Variants in ZRANB1 observed in about 807,000 individuals in gnomAD.
The protein encoded by ZRANB1 is ubiquitin thioesterase ZRANB1.
In ZRANB1, 16 loss-of-function variants were observed where a neutral mutation model predicts 80.5. The observed-to-expected ratio is 0.20, with a 90% CI of 0.13 to 0.30. ZRANB1 has a LOEUF of 0.30. Among genes scored for constraint, ZRANB1 ranks in the 10% least tolerant of loss-of-function variants. ZRANB1 has a pLI of 1.00. For synonymous variants in ZRANB1, 291 were observed against 293.1 expected (o/e 0.99, Z 0.07); for missense variants, 576 against 862.6 (o/e 0.67, Z 4.16).
chr10:124,960,857 T>C (rs1324224853), intron 1 of ZRANB1, among the ~76,000 whole-genome samples: 2 of 152,256 alleles, frequency 1.3e-5, no homozygotes, highest in African/African-American at 4.8e-5. Context: ...TCAGCCAGGG[T>C]AACTTGGCAG....
At position 124,983,039 on chromosome 10, in the gene ZRANB1, ATGC is replaced by A. The variant is rs1269661954; in HGVS notation, c.1549-131_1549-129del. ...CTGGATTTATTATTTGAGGAATCAAATGCTGCTTTGACAATCTTTTCTTTCTTA... is the reference window on the plus strand; with the variant it reads ...CTGGATTTATTATTTGAGGAATCAAATGCTTTGACAATCTTTTCTTTCTTA... On this transcript the variant is annotated intron_variant, in intron 6 of 8. Coordinates refer to ENST00000359653, the MANE Select transcript of ZRANB1 (RefSeq NM_017580.3). The surrounding 1 kb of genome is among the most constrained non-coding windows in gnomAD (Gnocchi z 6.2). 13 of 825,094 alleles carry A rather than the reference ATGC, an allele frequency of 1.6e-5. No homozygotes were observed. In the Admixed American group the frequency reaches 4.0e-4, roughly 25 times the overall value. 51.1% of individuals were successfully genotyped at this position (825,094 alleles called of 1,614,324 possible).
chr10:124,938,673 A>G (rs777796232), upstream of ZRANB1, among the ~76,000 whole-genome samples: 5 of 151,592 alleles, frequency 3.3e-5, no homozygotes, highest in African/African-American at 4.9e-5. Flanking sequence ...CAATGTTTCA[A>G]GTTCTCTCAG....
chr10:124,966,887 T>C, intron 2 of ZRANB1, 106 bp downstream of exon 2: 1 of 1,079,472 alleles, frequency 9.3e-7, no homozygotes, highest in Non-Finnish European at 1.3e-6. Flanking sequence ...TAAAATGTTT[T>C]GAATTCTTTT....
intron 5 of ZRANB1, among the ~76,000 whole-genome samples, chr10:124,976,682 G>C (rs921939374): frequency 1.4e-5 from 2 of 143,762 alleles, no homozygotes; most frequent in African/African-American, 5.2e-5. Flanking sequence ...AGCAATTCTC[G>C]TGCCTCAGCC....
intron 2 of ZRANB1, among the ~76,000 whole-genome samples, chr10:124,971,237 T>C (rs1413754371): frequency 6.6e-6 from 1 of 152,244 alleles, no homozygotes; most frequent in Non-Finnish European, 1.5e-5. Flanking sequence ...TTAAATTAAA[T>C]CTTTGCAACA....
intron 1 of ZRANB1, among the ~76,000 whole-genome samples, chr10:124,949,996 C>G (rs1391283161): frequency 1.3e-5 from 2 of 152,148 alleles, no homozygotes; most frequent in South Asian, 2.1e-4. Flanking sequence ...TATCAAGTAG[C>G]AGGATGAAGT....
chr10:124,973,239 G>T (rs1225644090), intron 3 of ZRANB1, among the ~76,000 whole-genome samples: 5 of 152,130 alleles, frequency 3.3e-5, no homozygotes, highest in Non-Finnish European at 4.4e-5. Context: ...TGCAGCCTTG[G>T]CCTCCCCAGG....
At chr10:124,951,867 G>A (rs1031910462) in intron 1 of ZRANB1, among the ~76,000 whole-genome samples, 2 of 152,070 alleles carry the variant, frequency 1.3e-5, no homozygotes, top group Non-Finnish European at 2.9e-5. Flanking sequence ...TGAGGCAGAA[G>A]AATCTCTTGG....
intron 5 of ZRANB1, among the ~76,000 whole-genome samples, chr10:124,979,401 A>G (rs1719969751): frequency 6.6e-6 from 1 of 152,024 alleles, no homozygotes; most frequent in South Asian, 2.1e-4. Context: ...TGATTTGCAG[A>G]TGTTGTTTGT....
the ZRANB1 span, among the ~76,000 whole-genome samples, chr10:124,931,807 A>C: frequency 6.6e-6 from 1 of 152,218 alleles, no homozygotes; most frequent in Non-Finnish European, 1.5e-5. Flanking sequence ...ATATTTGTTA[A>C]CAATTAATGA....
At chr10:124,941,752 G>T (rs1951538119), upstream of ZRANB1, among the ~76,000 whole-genome samples, 1 of 152,094 alleles carries the variant, frequency 6.6e-6, no homozygotes. Context: ...GGTTATTTCA[G>T]TGACCTTCCA....
intron 5 of ZRANB1, among the ~76,000 whole-genome samples, chr10:124,977,255 G>A (rs886743640): frequency 2.0e-5 from 3 of 150,460 alleles, no homozygotes; most frequent in Admixed American, 6.6e-5. Context: ...TTACAGGCAT[G>A]AGCTACTACT....
At chr10:124,938,884 GT>G (rs903263413), upstream of ZRANB1, among the ~76,000 whole-genome samples, 29 of 148,628 alleles carry the variant, frequency 2.0e-4, no homozygotes, top group African/African-American at 4.9e-4. Context: ...TTAAAAAAAA[GT>G]TTTTTTTTTG....
At chr10:124,943,422 C>T in intron 1 of ZRANB1, 115 bp downstream of exon 1, 2 of 1,007,510 alleles carry the variant, frequency 2.0e-6, no homozygotes, top group South Asian at 3.4e-5. Flanking sequence ...TGCTTGAAAC[C>T]AGGAGTTTGA....
At chr10:124,984,102 A>G (rs947568386) in intron 8 of ZRANB1, among the ~76,000 whole-genome samples, 4 of 151,974 alleles carry the variant, frequency 2.6e-5, no homozygotes, top group African/African-American at 9.7e-5. Flanking sequence ...GATGGGGGGG[A>G]GTTCATTGAA....
upstream of ZRANB1, among the ~76,000 whole-genome samples, chr10:124,938,241 A>C (rs1198624151): frequency 2.0e-5 from 3 of 152,232 alleles, no homozygotes; most frequent in Non-Finnish European, 4.4e-5. Context: ...CTGCAAAAAA[A>C]CACATAGTTC....
chr10:124,978,462 T>A (rs180742318), intron 5 of ZRANB1, among the ~76,000 whole-genome samples: 1 of 152,352 alleles, frequency 6.6e-6, no homozygotes, highest in African/African-American at 2.4e-5. Context: ...TGTAGCTAGC[T>A]GTGCTGTTCT....
chr10:124,975,556 T>G (rs554504640), intron 5 of ZRANB1, among the ~76,000 whole-genome samples: 2 of 152,360 alleles, frequency 1.3e-5, no homozygotes, highest in South Asian at 4.1e-4. Flanking sequence ...AATAATTGTT[T>G]TTGTGAATGA....
At chr10:124,930,824 A>G in the ZRANB1 span, among the ~76,000 whole-genome samples, 1 of 152,078 alleles carries the variant, frequency 6.6e-6, no homozygotes, top group Non-Finnish European at 1.5e-5. Flanking sequence ...TGAGGCCTGG[A>G]GTTCGAGATT....
Sources: gnomAD v4.1 joint callset for allele counts (sites outside exome capture counted in the v4.1 genomes callset) on GRCh38, gnomAD v4.1.1 for gene constraint, Gnocchi (gnomAD v3.1) non-coding constraint, MANE v1.5 for transcripts, NCBI Gene and HGNC (gene_info 2026-07-23, HGNC 2026-07-21) for gene names.